The following IQSEC1 variants were observed in gnomAD, a reference collection of about 807,000 sequenced individuals.
The protein encoded by IQSEC1 is IQ motif and Sec7 domain ArfGEF 1.
IQSEC1 carries 31 observed loss-of-function variants against 91.0 expected under a neutral mutation model. That is an observed-to-expected ratio of 0.34 (90% CI 0.26 to 0.46). IQSEC1 has a LOEUF of 0.46. IQSEC1 is among the 20% of genes least tolerant of loss of function. IQSEC1 has a pLI of 1.00. For missense variants in IQSEC1, 1,388 were observed against 1,575.6 expected (o/e 0.88, Z 2.02); for synonymous variants, 699 against 662.6 (o/e 1.05, Z -0.84).
intron 1 of IQSEC1, among the ~76,000 whole-genome samples, chr3:13,011,066 T>C (rs1206819292): frequency 6.6e-6 from 1 of 151,330 alleles, no homozygotes; most frequent in Non-Finnish European, 1.5e-5. Flanking sequence ...AGAGTGAAAT[T>C]CACTTTTTTT....
intron 1 of IQSEC1, among the ~76,000 whole-genome samples, chr3:13,046,058 T>A (rs361006): frequency 6.6e-6 from 1 of 152,240 alleles, no homozygotes; most frequent in African/African-American, 2.4e-5. Context: ...GAGGAACTAC[T>A]AGTATGAGGG....
upstream of IQSEC1, among the ~76,000 whole-genome samples, chr3:13,077,277 C>T (rs1356831453): frequency 6.6e-6 from 1 of 152,178 alleles, no homozygotes; most frequent in Non-Finnish European, 1.5e-5. Flanking sequence ...CCCTGACCCA[C>T]TACAAGAAAC....
At chr3:13,254,489 C>T (rs1695252470) in intron 1 of IQSEC1, among the ~76,000 whole-genome samples, 1 of 152,256 alleles carries the variant, frequency 6.6e-6, no homozygotes, top group African/African-American at 2.4e-5. Context: ...CCAAACCCCC[C>T]TGCACAAAGG....
intron 1 of IQSEC1, among the ~76,000 whole-genome samples, chr3:13,053,550 G>A (rs1490230647): frequency 4.6e-5 from 7 of 152,204 alleles, no homozygotes; most frequent in Non-Finnish European, 8.8e-5. Flanking sequence ...AAGGAATGCA[G>A]GGACCACGGG....
At chr3:13,027,161 C>T (rs1703652960) in intron 1 of IQSEC1, among the ~76,000 whole-genome samples, 2 of 152,128 alleles carry the variant, frequency 1.3e-5, no homozygotes, top group African/African-American at 2.4e-5. Flanking sequence ...CTGGAATGCC[C>T]GTTTTCCAAA....
chr3:13,215,606 ATAATAAAACACCAGGGCAT>A (rs1480771073), intron 1 of IQSEC1, among the ~76,000 whole-genome samples: 1 of 152,204 alleles, frequency 6.6e-6, no homozygotes, highest in African/African-American at 2.4e-5. Flanking sequence ...AGTTGCACAG[ATAATAAAACACCAGGGCAT>A]TACCAAATCT....
At chr3:13,173,885 G>A (rs951881112) in intron 1 of IQSEC1, among the ~76,000 whole-genome samples, 5 of 152,200 alleles carry the variant, frequency 3.3e-5, no homozygotes, top group Admixed American at 6.5e-5. Context: ...TCAGGAACTC[G>A]GAGTGAGCCT....
At chr3:13,048,992 T>C (rs1287020187) in intron 1 of IQSEC1, among the ~76,000 whole-genome samples, 1 of 151,886 alleles carries the variant, frequency 6.6e-6, no homozygotes, top group East Asian at 1.9e-4. Flanking sequence ...ACATGAGGGG[T>C]GGTGCCAAGA....
At chr3:13,269,523 C>T (rs1695557469) in intron 1 of IQSEC1, among the ~76,000 whole-genome samples, 1 of 152,190 alleles carries the variant, frequency 6.6e-6, no homozygotes, top group South Asian at 2.1e-4. Context: ...AGGTCAGGTC[C>T]CTGCCCAAGA....
chr3:12,928,807 G>A (rs756128913), intron 3 of IQSEC1, among the ~76,000 whole-genome samples: 24 of 152,084 alleles, frequency 1.6e-4, no homozygotes, highest in African/African-American at 4.1e-4. Context: ...TTACTTTCCC[G>A]CCTGCCCTGG....
chr3:12,934,356 A>G (rs994331813), intron 3 of IQSEC1, among the ~76,000 whole-genome samples: 4 of 152,202 alleles, frequency 2.6e-5, no homozygotes, highest in Non-Finnish European at 5.9e-5. Context: ...TGACATCCCA[A>G]GATAGTGCTT....
At chr3:13,054,062 C>T (rs1704790966) in intron 1 of IQSEC1, among the ~76,000 whole-genome samples, 1 of 152,190 alleles carries the variant, frequency 6.6e-6, no homozygotes, top group African/African-American at 2.4e-5. Flanking sequence ...GGTCTGGAAG[C>T]ATTCCTCCCC....
At chr3:12,905,087 A>G (rs888207622) in intron 12 of IQSEC1, among the ~76,000 whole-genome samples, 3 of 152,232 alleles carry the variant, frequency 2.0e-5, no homozygotes, top group African/African-American at 7.2e-5. Context: ...AACTGCCCAC[A>G]GCCAGCCGTG....
At chr3:12,965,968 A>G (rs1700535880) in intron 1 of IQSEC1, among the ~76,000 whole-genome samples, 2 of 152,234 alleles carry the variant, frequency 1.3e-5, no homozygotes, top group South Asian at 4.1e-4. Context: ...TCAATAAACC[A>G]CAGAGCTTTA....
At chr3:13,112,587 G>GC (rs10715252) in intron 2 of IQSEC1, among the ~76,000 whole-genome samples, 4 of 150,580 alleles carry the variant, frequency 2.7e-5, no homozygotes, top group East Asian at 1.9e-4. Flanking sequence ...CTGCGTGCTG[G>GC]CCCCCAGGCA....
In IQSEC1 at chr3:12,901,768, T is replaced by A. The variant is rs552961822; in HGVS notation, c.2806-246A>T. On this transcript the variant is annotated intron_variant, in intron 13 of 13. Transcript: ENST00000613206. ...TGAGGGCAGGGGAGGGGCCCATCTC[T>A]CTGACCACCACGGCAGAAGTAGGAC... Among the ~76,000 whole-genome samples, 10 of 152,210 alleles carry A rather than the reference T, an allele frequency of 6.6e-5. No homozygotes were observed. In the East Asian group the frequency reaches 1.9e-3, roughly 30 times the overall value.
At chr3:13,167,870 C>T (rs1265183021) in intron 1 of IQSEC1, among the ~76,000 whole-genome samples, 1 of 152,210 alleles carries the variant, frequency 6.6e-6, no homozygotes, top group Non-Finnish European at 1.5e-5. Context: ...CCTTGCAGCT[C>T]TGGTTCTGCA....
At position 13,259,482 on chromosome 3, in the gene IQSEC1, G is replaced by A. The variant is rs577431751; in HGVS notation, c.272+23229C>T. On this transcript the variant is annotated intron_variant, in intron 1 of 15. Transcript: ENST00000648114. This position sits in a 1 kb window ranked among gnomAD's most constrained non-coding sequence, Gnocchi z 4.6. The stretch of plus-strand genomic sequence containing the variant: ...AGATAGCACTGTCATCGCCGGCCAC[G>A]TCCTCATTTCCAGAAGCCCAACCTC... 3.9e-5 allele frequency among the ~76,000 whole-genome samples: 6 copies of A among 152,180 alleles called. No homozygotes were observed. Among genetic ancestry groups the A allele is most frequent in the African/African-American group, 1.4e-4 (6 of 41,526 alleles).
At position 12,992,554 on chromosome 3, in the gene IQSEC1, C is replaced by G. The variant is rs573355936; in HGVS notation, c.24-50689G>C. The stretch of plus-strand genomic sequence containing the variant: ...TCAGAATTGTTCAGAGGGGGCTGCA[C>G]AGGCCAATGTGTCCACTGCCTGGTG... On this transcript the variant is annotated intron_variant, in intron 1 of 13. Transcript: ENST00000613206. This position sits in a 1 kb window ranked among gnomAD's most constrained non-coding sequence, Gnocchi z 4.1. Among the ~76,000 whole-genome samples, 13 of 152,202 alleles carry G rather than the reference C, an allele frequency of 8.5e-5. No homozygotes were observed. Among genetic ancestry groups the G allele is most frequent in the Non-Finnish European group, 1.8e-4 (12 of 68,034 alleles).
Sources: gnomAD v4.1 joint callset for allele counts (sites outside exome capture counted in the v4.1 genomes callset) on GRCh38, gnomAD v4.1.1 for gene constraint, Gnocchi (gnomAD v3.1) non-coding constraint, MANE v1.5 for transcripts, NCBI Gene and HGNC (gene_info 2026-07-23, HGNC 2026-07-21) for gene names.